The following PDGFRL variants were observed in gnomAD, a reference collection of about 807,000 sequenced individuals.
The protein encoded by PDGFRL is platelet derived growth factor receptor like, also known as platelet-derived growth factor receptor-like protein.
Under a neutral mutation model 37.2 loss-of-function variants are expected in PDGFRL, and 46 were observed. That is an observed-to-expected ratio of 1.24 (90% CI 0.98 to 1.58). The LOEUF (loss-of-function observed/expected upper bound fraction) is 1.58. PDGFRL is among the 40% of genes most tolerant of loss of function. PDGFRL has a pLI of 0.00. For missense variants in PDGFRL, 692 were observed against 467.6 expected (o/e 1.48, Z -4.43); for synonymous variants, 251 against 184.3 (o/e 1.36, Z -2.93).
chr8:17,617,592 C>G (rs776254185), intron 2 of PDGFRL, among the ~76,000 whole-genome samples: 13 of 152,192 alleles, frequency 8.5e-5, no homozygotes, highest in South Asian at 2.1e-4. Context: ...AATGGACATT[C>G]TAAATCCAGG....
At position 17,595,267 on chromosome 8, in the gene PDGFRL, A is replaced by G. The variant is rs1804027433; in HGVS notation, c.353+5502A>G. The stretch of plus-strand genomic sequence containing the variant: ...TCCTTGCCCTCCCTCCCTGCCCACC[A>G]TCCCCTCAACCATTAGCCTGGCGTT... On this transcript the variant is annotated intron_variant, in intron 2 of 5. Coordinates refer to ENST00000251630, the MANE Select transcript of PDGFRL (RefSeq NM_001372073.1). Among the ~76,000 whole-genome samples, 5 of 151,612 alleles carry G rather than the reference A, an allele frequency of 3.3e-5. No homozygotes were observed. In the South Asian group the frequency reaches 6.3e-4, roughly 19 times the overall value.
At chr8:17,628,201 A>T (rs1041392751) in intron 3 of PDGFRL, among the ~76,000 whole-genome samples, 1 of 151,118 alleles carries the variant, frequency 6.6e-6, no homozygotes, top group Non-Finnish European at 1.5e-5. Flanking sequence ...TCACCGTGTT[A>T]GCCAGGATGG....
At chr8:17,598,850 G>A (rs1233563537) in intron 2 of PDGFRL, among the ~76,000 whole-genome samples, 2 of 152,050 alleles carry the variant, frequency 1.3e-5, no homozygotes, top group Non-Finnish European at 2.9e-5. Context: ...TTTTCTAAGG[G>A]GAAACCCATT....
At chr8:17,602,635 C>T (rs1044601690) in intron 2 of PDGFRL, among the ~76,000 whole-genome samples, 3 of 152,184 alleles carry the variant, frequency 2.0e-5, no homozygotes, top group Admixed American at 2.0e-4. Context: ...TTTAGGGTAG[C>T]TCTTTGGATG....
At chr8:17,604,951 G>A (rs1027225936) in intron 2 of PDGFRL, among the ~76,000 whole-genome samples, 2 of 151,872 alleles carry the variant, frequency 1.3e-5, no homozygotes, top group Non-Finnish European at 2.9e-5. Context: ...CCATCTCTAC[G>A]AAAAAAGATA....
chr8:17,579,956 C>T (rs1211574051), intron 1 of PDGFRL, among the ~76,000 whole-genome samples: 1 of 152,004 alleles, frequency 6.6e-6, no homozygotes, highest in Admixed American at 6.5e-5. Context: ...GAATACATGC[C>T]ACCGAGTTTA....
intron 4 of PDGFRL, among the ~76,000 whole-genome samples, chr8:17,632,139 G>A (rs1302925948): frequency 6.6e-6 from 1 of 152,168 alleles, no homozygotes; most frequent in Admixed American, 6.5e-5. Context: ...GCCTGCGGCT[G>A]GAAGCCAAGC....
rs1004593928 is a variant in PDGFRL at position 17,590,029 on chromosome 8, A to G, written c.353+264A>G. Among the ~76,000 whole-genome samples, 3 of 150,756 alleles carry G rather than the reference A, an allele frequency of 2.0e-5. No homozygotes were observed. The East Asian group carries it at 6.0e-4, about 30-fold the overall frequency. On this transcript the variant is annotated intron_variant, in intron 2 of 5. Transcript: ENST00000251630. ...GGCGGATCACGAGGTCAGGAGATCG[A>G]GGCTATCCTGGCTAACCCGGTGAAA...
rs760653700 is a variant in PDGFRL, at chr8:17,589,585, C to T, written c.173C>T (p.Ala58Val). The T allele has an allele frequency of 6.2e-6, 10 of 1,613,610 alleles. No individual in the cohort carries two copies. The African/African-American group carries it at 1.1e-4, about 17-fold the overall frequency. ...CCTAAAATGAAGGACAGGGACTCAG[C>T]CAATTCAGCACCAAAGACGCAGTCT... ...KIPKMKDRDS[A>V]NSAPKTQSIM... Residue 58 changes from alanine to valine, a missense_variant, in exon 2 of 6, where the codon GCC (alanine) becomes GTC (valine). Ala to Val is a moderately conservative substitution (Grantham distance 64). Coordinates refer to ENST00000251630, the MANE Select transcript of PDGFRL (RefSeq NM_001372073.1).
At chr8:17,623,863 G>C (rs1219205718) in intron 3 of PDGFRL, among the ~76,000 whole-genome samples, 2 of 73,552 alleles carry the variant, frequency 2.7e-5, no homozygotes, top group Admixed American at 2.0e-4. Context: ...GACAGAGCAA[G>C]ACTTTACCTC....
intron 1 of PDGFRL, among the ~76,000 whole-genome samples, chr8:17,582,863 A>T (rs1401412068): frequency 6.6e-6 from 1 of 152,134 alleles, no homozygotes; most frequent in African/African-American, 2.4e-5. Flanking sequence ...CCAGAGACTC[A>T]GGAGAATAGA....
intron 2 of PDGFRL, among the ~76,000 whole-genome samples, chr8:17,593,427 T>C (rs2464561): frequency 0.095 from 7,282 of 76,930 alleles, 473 homozygotes; most frequent in African/African-American, 0.21. Flanking sequence ...CCATCTCTAC[T>C]AAAAATACGG....
chr8:17,586,017 T>A (rs1803807443), intron 1 of PDGFRL, among the ~76,000 whole-genome samples: 1 of 152,166 alleles, frequency 6.6e-6, no homozygotes, highest in Non-Finnish European at 1.5e-5. Context: ...AGTGGTGCGA[T>A]CTCAGCTCAC....
At chr8:17,577,098 T>TAAAAAAAAAAAAAAAAAAAAAAAAAAAAA (rs1803600196), upstream of PDGFRL, 1 of 699,598 alleles carries the variant, frequency 1.4e-6, no homozygotes, top group Non-Finnish European at 1.9e-6. Flanking sequence ...AAAAAAAAAT[T>TAAAAAAAAAAAAAAAAAAAAAAAAAAAAA]CCCCAACTTT....
intron 2 of PDGFRL, among the ~76,000 whole-genome samples, chr8:17,618,950 C>T (rs1324937919): frequency 1.2e-4 from 19 of 152,170 alleles, no homozygotes; most frequent in Middle Eastern, 3.4e-3. Context: ...GAGAGATTTC[C>T]GTTCAGGGTA....
At chr8:17,599,311 C>G (rs566260535) in intron 2 of PDGFRL, among the ~76,000 whole-genome samples, 3 of 152,200 alleles carry the variant, frequency 2.0e-5, no homozygotes, top group African/African-American at 4.8e-5. Context: ...ACTCTTCCCC[C>G]CAAGTCCCTA....
At chr8:17,579,204 A>G (rs1803654297) in intron 1 of PDGFRL, among the ~76,000 whole-genome samples, 1 of 152,224 alleles carries the variant, frequency 6.6e-6, no homozygotes. Context: ...TCAAGAAAAT[A>G]AAGATAAAAA....
chr8:17,623,575 A>G (rs1332222972), intron 3 of PDGFRL, among the ~76,000 whole-genome samples: 2 of 152,178 alleles, frequency 1.3e-5, no homozygotes, highest in Non-Finnish European at 2.9e-5. Context: ...AGAATATCCT[A>G]TTAATATTAT....
intron 1 of PDGFRL, among the ~76,000 whole-genome samples, chr8:17,583,397 C>G (rs886494947): frequency 6.6e-6 from 1 of 152,122 alleles, no homozygotes; most frequent in Non-Finnish European, 1.5e-5. Context: ...GTGGGGAGGG[C>G]GAAGGCTTGT....
Sources: gnomAD v4.1 joint callset for allele counts (sites outside exome capture counted in the v4.1 genomes callset) on GRCh38, gnomAD v4.1.1 for gene constraint, MANE v1.5 for transcripts, NCBI Gene and HGNC (gene_info 2026-07-23, HGNC 2026-07-21) for gene names.